GGTLC1: variants seen among roughly 807,000 people sequenced by gnomAD.
The protein encoded by GGTLC1 is glutathione hydrolase light chain 1.
GGTLC1 carries 14 observed loss-of-function variants against 19.5 expected under a neutral mutation model. That is an observed-to-expected ratio of 0.72 (90% confidence interval 0.47 to 1.12). The LOEUF (loss-of-function observed/expected upper bound fraction) is 1.12, where lower values mean the gene tolerates loss of function less well. GGTLC1 is among the 50% of genes most tolerant of loss of function. The pLI is 0.00. For synonymous variants in GGTLC1, 110 were observed against 124.2 expected (o/e 0.89, Z 0.76); for missense variants, 304 against 309.2 (o/e 0.98, Z 0.13).
At chr20:23,986,790 T>C in intron 1 of GGTLC1, 145 bp from the exon 2 acceptor site, 2 of 1,431,180 alleles carry the variant, frequency 1.4e-6, no homozygotes, top group Non-Finnish European at 1.9e-6. Flanking sequence ...GCATGACCAG[T>C]CTGACTCCCT....
At chr20:23,987,482 G>A (rs1328335553) in intron 1 of GGTLC1, among the ~76,000 whole-genome samples, 3 of 152,170 alleles carry the variant, frequency 2.0e-5, no homozygotes, top group Non-Finnish European at 4.4e-5. Context: ...CAGGTTTGGG[G>A]ATGGTCAGGA....
chr20:23,986,332 C>T (rs956715274), intron 2 of GGTLC1, 104 bp downstream of exon 2: 14 of 1,601,550 alleles, frequency 8.7e-6, no homozygotes, highest in Non-Finnish European at 1.2e-5. Context: ...CCTCAGTTTC[C>T]CACCAGGAAA....
chr20:23,986,690 G>C, intron 1 of GGTLC1, 45 bp from the exon 2 acceptor site: 1 of 1,560,110 alleles, frequency 6.4e-7, no homozygotes, highest in Non-Finnish European at 8.7e-7. Flanking sequence ...ACAGGTCTCA[G>C]AAGGCCCCTG....
At chr20:23,985,562 G>A in intron 5 of GGTLC1, 105 bp downstream of exon 5, 2 of 1,598,436 alleles carry the variant, frequency 1.3e-6, no homozygotes, top group South Asian at 1.1e-5. Flanking sequence ...CCAGGCACTA[G>A]AGAGAGGACA....
chr20:23,985,818 T>C (rs375339977), intron 4 of GGTLC1, 38 bp from the exon 5 acceptor site: 5 of 1,611,864 alleles, frequency 3.1e-6, no homozygotes, highest in Non-Finnish European at 4.2e-6. Flanking sequence ...GCTTGGGGGC[T>C]GTGCAGGGTG....
Position 23,986,623 on chromosome 20 carries a change from C to A in GGTLC1, c.-12G>T. ...AACTCGGAGGTCATGTCGCGGACCA[C>A]CTGCCGAGACCCCAGAGCTGGCCTA... On this transcript the variant is annotated 5_prime_UTR_variant, in exon 2 of 6. Transcript: ENST00000335694. The A allele has an allele frequency of 6.2e-7, 1 of 1,607,128 alleles. No individual in the cohort carries two copies. The highest frequency in any genetic ancestry group is 8.5e-7 in the Non-Finnish European group (1 of 1,177,148).
At position 23,986,559 on chromosome 20, in the gene GGTLC1, G is replaced by A; in HGVS notation, c.53C>T (p.Thr18Ile). The change falls in exon 2 of 6, where the codon ACC (threonine) becomes ATC (isoleucine). Residue 18 changes from threonine to isoleucine, a missense_variant. By Grantham distance (89) the Thr-to-Ile change is moderately conservative. Transcript: ENST00000335694. ...CTTGTAGTAGGAGATCGGGTGAGTGGTGTCGTCAGAGATCTGGGCCCGGAG... is the reference window on the plus strand; with the variant it reads ...CTTGTAGTAGGAGATCGGGTGAGTGATGTCGTCAGAGATCTGGGCCCGGAG... The part of the protein sequence containing the change: ...AQLRAQISDD[T>I]THPISYYKPE... The A allele has an allele frequency of 4.3e-6, 7 of 1,611,798 alleles. No homozygotes were observed. The highest frequency in any genetic ancestry group is 5.9e-6 in the Non-Finnish European group (7 of 1,179,808).
Position 23,986,644 on chromosome 20 carries a change from G to C in GGTLC1, c.-33C>G. 1 of 967,368 alleles carries C rather than the reference G, an allele frequency of 1.0e-6. No homozygotes were observed. Among genetic ancestry groups the C allele is most frequent in the South Asian group, 1.3e-5 (1 of 79,174 alleles). 59.9% of individuals were successfully genotyped at this position (967,368 alleles called of 1,614,324 possible). On this transcript the variant is annotated splice_region_variant and 5_prime_UTR_variant, in exon 2 of 6. Transcript: ENST00000335694. The stretch of plus-strand genomic sequence containing the variant: ...ACCACCTGCCGAGACCCCAGAGCTG[G>C]CCTAGGGAGGTGGGGAGGGAGGGTG...
In GGTLC1 at chr20:23,985,636, C is replaced by T. The variant is rs764567668; in HGVS notation, c.531+31G>A. The T allele has an allele frequency of 4.1e-5, 66 of 1,611,272 alleles. No homozygotes were observed. The East Asian group carries it at 9.4e-4, about 23-fold the overall frequency. ...CCCACGATGCCCTGGGGCCCCACAC[C>T]GTGACTCAGTTTCTCCAACCCCCAG... On this transcript the variant is annotated intron_variant, in intron 5 of 5. Coordinates refer to ENST00000335694, the MANE Select transcript of GGTLC1 (RefSeq NM_178311.3).
chr20:23,987,945 C>T, intron 1 of GGTLC1, among the ~76,000 whole-genome samples: 1 of 132,680 alleles, frequency 7.5e-6, no homozygotes, highest in Non-Finnish European at 1.6e-5. Flanking sequence ...ACTCCAGAGG[C>T]TGAGGCAGGA....
chr20:23,988,169 C>T (rs184825320), intron 1 of GGTLC1, among the ~76,000 whole-genome samples: 1 of 144,878 alleles, frequency 6.9e-6, no homozygotes. Flanking sequence ...GTGTCTCAAC[C>T]GCCGGAGTAG....
In GGTLC1 at chr20:23,985,662, C is replaced by G. The variant is rs754163031; in HGVS notation, c.531+5G>C. Reference sequence around the variant, plus strand: ...GTGACTCAGTTTCTCCAACCCCCAGCCCACCTGGTCAATGTTTCTCTCCAC... The same window carrying G: ...GTGACTCAGTTTCTCCAACCCCCAGGCCACCTGGTCAATGTTTCTCTCCAC... On this transcript the variant is annotated splice_donor_5th_base_variant and intron_variant, in intron 5 of 5. Coordinates refer to ENST00000335694, the MANE Select transcript of GGTLC1 (RefSeq NM_178311.3). 6.2e-7 allele frequency: 1 copy of G among 1,611,924 alleles called. No individual in the cohort carries two copies. Among genetic ancestry groups the G allele is most frequent in the South Asian group, 1.1e-5 (1 of 90,996 alleles).
chr20:23,986,994 C>T (rs946773316), intron 1 of GGTLC1: 8 of 437,298 alleles, frequency 1.8e-5, no homozygotes, highest in African/African-American at 1.4e-4. Context: ...CAAACACACA[C>T]AGCGAAAGTG....
chr20:23,988,069 G>T, intron 1 of GGTLC1, among the ~76,000 whole-genome samples: 1 of 38,998 alleles, frequency 2.6e-5, no homozygotes, highest in South Asian at 1.0e-3. Flanking sequence ...AAAAAAAAAA[G>T]AGTCTGGCTC....
At chr20:23,985,521 T>G in intron 5 of GGTLC1, 146 bp downstream of exon 5, 1 of 1,587,544 alleles carries the variant, frequency 6.3e-7, no homozygotes, top group Non-Finnish European at 8.6e-7. Context: ...GCAAGGGGTT[T>G]GGCCCTCATG....
rs565033471 is a variant in GGTLC1, at chr20:23,987,711, C to T, written c.-35+898G>A. Among the ~76,000 whole-genome samples the T allele has an allele frequency of 8.6e-5, 13 of 151,678 alleles. No individual in the cohort carries two copies. In the East Asian group the frequency reaches 2.0e-3, roughly 23 times the overall value. On this transcript the variant is annotated intron_variant, in intron 1 of 5. Coordinates refer to ENST00000335694, the MANE Select transcript of GGTLC1 (RefSeq NM_178311.3). ...AAGGAGGAGACAGAGAGGATGGACC[C>T]GAAGGCCGAAGAAAATGCCTCAAGG...
chr20:23,987,181 T>G (rs988702568), intron 1 of GGTLC1, among the ~76,000 whole-genome samples: 4 of 151,838 alleles, frequency 2.6e-5, no homozygotes, highest in African/African-American at 9.7e-5. Context: ...AGAGAGTGAA[T>G]GGAGTGGGGT....
chr20:23,985,994 A>G lies in GGTLC1; in HGVS notation c.305-20T>C, dbSNP rs772828246. 1.9e-6 allele frequency: 3 copies of G among 1,611,952 alleles called. No individual in the cohort carries two copies. The highest frequency in any genetic ancestry group is 1.7e-5 in the Admixed American group (1 of 60,016). ...GCTTCCCTGCGGCCAATGGGAGAAGACAGGGATGCCCGTCAGCTGCCTGCC... is the reference window on the plus strand; with the variant it reads ...GCTTCCCTGCGGCCAATGGGAGAAGGCAGGGATGCCCGTCAGCTGCCTGCC... On this transcript the variant is annotated intron_variant, in intron 3 of 5. Coordinates refer to ENST00000335694, the MANE Select transcript of GGTLC1 (RefSeq NM_178311.3).
At chr20:23,987,794 G>A (rs1988021959) in intron 1 of GGTLC1, among the ~76,000 whole-genome samples, 2 of 150,896 alleles carry the variant, frequency 1.3e-5, no homozygotes, top group Admixed American at 6.6e-5. Context: ...TTGGGAGGCC[G>A]AGGCCTGTAA....
Sources: gnomAD v4.1 joint callset for allele counts (sites outside exome capture counted in the v4.1 genomes callset) on GRCh38, gnomAD v4.1.1 for gene constraint, MANE v1.5 for transcripts, NCBI Gene and HGNC (gene_info 2026-07-23, HGNC 2026-07-21) for gene names.